CCDC191: variants seen among roughly 807,000 people sequenced by gnomAD.
CCDC191 encodes coiled-coil domain-containing protein 191.
In CCDC191, 99 loss-of-function variants were observed where a neutral mutation model predicts 114.0. The observed-to-expected ratio is 0.87, with a 90% CI of 0.74 to 1.03. CCDC191 has a LOEUF of 1.03. Among genes scored for constraint, CCDC191 ranks in the 50% least tolerant of loss-of-function variants. The probability of loss-of-function intolerance (pLI) is 0.00; values close to 1 mark genes in which losing one functional copy is unlikely to be tolerated. For missense variants in CCDC191, 973 were observed against 1,087.0 expected (o/e 0.90, Z 1.47); for synonymous variants, 351 against 376.0 (o/e 0.93, Z 0.77).
At chr3:114,010,694 C>A (rs2076053706) in intron 9 of CCDC191, 78 bp downstream of exon 9, 2 of 1,420,940 alleles carry the variant, frequency 1.4e-6, no homozygotes, top group Non-Finnish European at 1.9e-6. Context: ...ACAAAGCAAT[C>A]TGACAATGAC....
intron 7 of CCDC191, among the ~76,000 whole-genome samples, chr3:114,027,405 G>C (rs2076336118): frequency 6.6e-6 from 1 of 152,122 alleles, no homozygotes; most frequent in Non-Finnish European, 1.5e-5. Context: ...CACGAGGTCA[G>C]GAGATTGAGA....
chr3:114,042,035 T>C (rs1390134370), intron 4 of CCDC191, among the ~76,000 whole-genome samples: 1 of 152,096 alleles, frequency 6.6e-6, no homozygotes, highest in Non-Finnish European at 1.5e-5. Flanking sequence ...CCCTTATAAG[T>C]AATAACTAAC....
At chr3:114,020,628 A>C (rs1470805021) in intron 7 of CCDC191, among the ~76,000 whole-genome samples, 1 of 152,088 alleles carries the variant, frequency 6.6e-6, no homozygotes, top group Non-Finnish European at 1.5e-5. Context: ...CTTTTGCATC[A>C]TTTGTTTACC....
chr3:114,056,504 G>T lies in CCDC191; in HGVS notation c.-38C>A, dbSNP rs755649525. 3.7e-6 allele frequency: 6 copies of T among 1,613,614 alleles called. No individual in the cohort carries two copies. In the East Asian group the frequency reaches 1.3e-4, roughly 36 times the overall value. ...AGCCCGAACCTCGGCCAAAGCTGCA[G>T]CAACCGCCCTTCTGCCCGGGCTGCC... is the stretch of plus-strand genomic sequence containing the variant. On this transcript the variant is annotated 5_prime_UTR_variant, in exon 1 of 17. It adds an upstream start codon to the 5' untranslated region. Coordinates refer to ENST00000295878, the MANE Select transcript of CCDC191 (RefSeq NM_020817.2).
At chr3:113,999,623 A>C (rs1344399952) in intron 13 of CCDC191, among the ~76,000 whole-genome samples, 1 of 152,160 alleles carries the variant, frequency 6.6e-6, no homozygotes, top group Admixed American at 6.5e-5. Flanking sequence ...CAAGCAGCTG[A>C]GGTGCTTGCT....
At chr3:113,986,123 G>A (rs1283781595) in intron 13 of CCDC191, among the ~76,000 whole-genome samples, 2 of 151,930 alleles carry the variant, frequency 1.3e-5, no homozygotes, top group East Asian at 3.9e-4. Flanking sequence ...GCAGAGACAT[G>A]GAAACTATAA....
intron 7 of CCDC191, among the ~76,000 whole-genome samples, chr3:114,021,374 T>C: frequency 6.6e-6 from 1 of 152,080 alleles, no homozygotes; most frequent in East Asian, 1.9e-4. Flanking sequence ...GACAAACCTG[T>C]ATGGCAACTA....
chr3:114,025,515 G>T lies in CCDC191; in HGVS notation c.972+6111C>A, dbSNP rs538873067. On this transcript the variant is annotated intron_variant, in intron 7 of 16. Coordinates refer to ENST00000295878, the MANE Select transcript of CCDC191 (RefSeq NM_020817.2). ...TTAATTCTGCTAAAAAGTTTCAGTTGATAATATTGCTGTAATTATCTAATA... is the reference window on the plus strand; with the variant it reads ...TTAATTCTGCTAAAAAGTTTCAGTTTATAATATTGCTGTAATTATCTAATA... Among the ~76,000 whole-genome samples, 24 of 152,214 alleles carry T rather than the reference G, an allele frequency of 1.6e-4. No individual in the cohort carries two copies. In the East Asian group the frequency reaches 3.9e-3, roughly 24 times the overall value.
intron 13 of CCDC191, among the ~76,000 whole-genome samples, chr3:113,990,274 A>G (rs2075512728): frequency 6.6e-6 from 1 of 152,160 alleles, no homozygotes; most frequent in Non-Finnish European, 1.5e-5. Flanking sequence ...TACTGATCTC[A>G]TAGACATTAA....
chr3:113,965,366 G>A lies in CCDC191; in HGVS notation c.2607-7C>T. 6.5e-7 allele frequency: 1 copy of A among 1,526,964 alleles called. No individual in the cohort carries two copies. The highest frequency in any genetic ancestry group is 1.3e-5 in the South Asian group (1 of 79,320). The allele number at this position is 1,526,964 out of a possible 1,614,324, so 94.6% of individuals were successfully genotyped here. ...GGTGATCCAGAGGATCCTCCTTTAA[G>A]AATAAAGAAGGAAAAAAGTGAAATG... On this transcript the variant is annotated splice_region_variant and splice_polypyrimidine_tract_variant and intron_variant, in intron 16 of 16. Coordinates refer to ENST00000295878, the MANE Select transcript of CCDC191 (RefSeq NM_020817.2).
rs1285353513 is a variant in CCDC191, at chr3:114,022,882, TA to T, written c.973-4015del. 4.6e-5 allele frequency among the ~76,000 whole-genome samples: 7 copies of T among 151,932 alleles called. No individual in the cohort carries two copies. In the South Asian group the frequency reaches 1.5e-3, roughly 31 times the overall value. On this transcript the variant is annotated intron_variant, in intron 7 of 16. Coordinates refer to ENST00000295878, the MANE Select transcript of CCDC191 (RefSeq NM_020817.2). The stretch of plus-strand genomic sequence containing the variant: ...AGGGCAATCAGGCAGGAGAAGGAAA[TA>T]AAGGGTATTCAATTAGGAAAAGAGG...
intron 7 of CCDC191, among the ~76,000 whole-genome samples, chr3:114,028,448 G>C (rs924711680): frequency 6.6e-6 from 1 of 151,874 alleles, no homozygotes; most frequent in South Asian, 2.1e-4. Context: ...ACCATGCCTG[G>C]CTAATTTTTT....
chr3:114,033,874 G>A (rs2076442971), intron 6 of CCDC191, among the ~76,000 whole-genome samples: 1 of 152,160 alleles, frequency 6.6e-6, no homozygotes, highest in Non-Finnish European at 1.5e-5. Context: ...GGTAGAATAA[G>A]AGCAATCAAG....
intron 3 of CCDC191, among the ~76,000 whole-genome samples, chr3:114,043,327 G>C (rs565647022): frequency 6.6e-5 from 10 of 152,106 alleles, no homozygotes; most frequent in Admixed American, 2.0e-4. Context: ...GATGAGGTTG[G>C]AGGGGTAATG....
At chr3:114,018,393 T>G (rs2076195154) in intron 8 of CCDC191, among the ~76,000 whole-genome samples, 1 of 152,092 alleles carries the variant, frequency 6.6e-6, no homozygotes, top group African/African-American at 2.4e-5. Context: ...CAGGCTGGTC[T>G]TGAACTCCTA....
Position 114,042,821 on chromosome 3 carries a change from T to C in CCDC191, c.297A>G (p.Leu99=), listed in dbSNP as rs1338744669. ...CTAATTCTTGCTTAAGTTTGGTGTC[T>C]AACCAGTCATTGACCAGCTCCTGAG... The part of the protein sequence containing the change: ...AEAQELVNDW[L]DTKLKQELAS... The change falls in exon 4 of 17, where the codon TTA becomes TTG. Residue 99 remains leucine, a synonymous_variant. Transcript: ENST00000295878. 3 of 1,602,820 alleles carry C rather than the reference T, an allele frequency of 1.9e-6. No individual in the cohort carries two copies. Among genetic ancestry groups the C allele is most frequent in the Non-Finnish European group, 2.6e-6 (3 of 1,176,332 alleles).
chr3:114,020,566 T>C (rs1006539123), intron 7 of CCDC191, among the ~76,000 whole-genome samples: 2 of 152,132 alleles, frequency 1.3e-5, no homozygotes, highest in Non-Finnish European at 2.9e-5. Flanking sequence ...CTGGATACTC[T>C]TTCAGTTGTA....
At chr3:114,008,373 T>C (rs1214940826) in intron 9 of CCDC191, among the ~76,000 whole-genome samples, 1 of 151,900 alleles carries the variant, frequency 6.6e-6, no homozygotes, top group Non-Finnish European at 1.5e-5. Context: ...TGATCCCCCC[T>C]TGCTCAGAGA....
chr3:114,012,826 C>T (rs937847732), intron 8 of CCDC191, among the ~76,000 whole-genome samples: 5 of 151,962 alleles, frequency 3.3e-5, no homozygotes, highest in African/African-American at 1.2e-4. Flanking sequence ...ATTATTTGGA[C>T]ATTATGAAAA....
Sources: gnomAD v4.1 joint callset for allele counts (sites outside exome capture counted in the v4.1 genomes callset) on GRCh38, gnomAD v4.1.1 for gene constraint, MANE v1.5 for transcripts, NCBI Gene and HGNC (gene_info 2026-07-23, HGNC 2026-07-21) for gene names.